SBNO2: variants seen among roughly 807,000 people sequenced by gnomAD.
The protein encoded by SBNO2 is strawberry notch homolog 2.
Under a neutral mutation model 146.3 loss-of-function variants are expected in SBNO2, and 89 were observed. The ratio of observed to expected loss-of-function variants is 0.61; its 90% confidence interval spans 0.51 to 0.73. SBNO2 has a LOEUF of 0.73. Ranked by LOEUF, SBNO2 falls within the 30% of genes least tolerant of loss-of-function variation. The pLI, the probability that SBNO2 is intolerant of heterozygous loss-of-function variation, is 0.00. For missense variants in SBNO2, 2,092 were observed against 2,003.7 expected (o/e 1.04, Z -0.84); for synonymous variants, 1,147 against 892.6 (o/e 1.29, Z -5.08).
intron 11 of SBNO2, among the ~76,000 whole-genome samples, chr19:1,120,829 C>T (rs533159598): frequency 2.0e-5 from 3 of 152,212 alleles, no homozygotes; most frequent in East Asian, 1.9e-4. Flanking sequence ...CCACCACGCC[C>T]GGGTAATTTT....
chr19:1,164,575 G>A (rs2080386766), intron 1 of SBNO2, among the ~76,000 whole-genome samples: 1 of 9,804 alleles, frequency 1.0e-4, no homozygotes, highest in Non-Finnish European at 2.1e-4. Flanking sequence ...ACACTGTGGG[G>A]TGTCCCAGAT....
In SBNO2 at chr19:1,173,263, C is replaced by G. The variant is rs916699113; in HGVS notation, c.-127+909G>C. Among the ~76,000 whole-genome samples the G allele has an allele frequency of 7.2e-5, 11 of 152,138 alleles. No homozygotes were observed. Among genetic ancestry groups the G allele is most frequent in the African/African-American group, 2.4e-4 (10 of 41,394 alleles). ...CCTGCGCTTCCCCTTCACCGACACA[C>G]GCTGCTCCCGGGCCCCACTCGGGCC... On this transcript the variant is annotated intron_variant, in intron 1 of 31. Transcript: ENST00000361757. The surrounding 1 kb of genome is among the most constrained non-coding windows in gnomAD (Gnocchi z 4.7).
chr19:1,117,481 C>T lies in SBNO2; in HGVS notation c.1546G>A (p.Val516Met), dbSNP rs765257569. Reference protein sequence around the residue: ...AALLWAEALNVFQQAADWIGL... With the variant: ...AALLWAEALNMFQQAADWIGL... ...ATCCAGTCGGCCGCCTGCTGGAACA[C>T]GTTCAGGGCCTCGGCCCACTGCAAT... Residue 516 changes from valine to methionine, a missense_variant, in exon 15 of 32, where the codon GTG becomes ATG. Val to Met is a conservative substitution (Grantham distance 21). Transcript: ENST00000361757. The T allele has an allele frequency of 7.6e-6, 12 of 1,584,584 alleles. No individual in the cohort carries two copies. The East Asian group carries it at 1.9e-4, about 25-fold the overall frequency.
rs749449592 is a variant in SBNO2, at chr19:1,110,989, C to A, written c.2884+30G>T. On this transcript the variant is annotated intron_variant, in intron 25 of 31. Coordinates refer to ENST00000361757, the MANE Select transcript of SBNO2 (RefSeq NM_014963.3). The surrounding 1 kb of genome is among the most constrained non-coding windows in gnomAD (Gnocchi z 4.9). Reference sequence around the variant, plus strand: ...GGTTGCATGAGATGAGAGACAGGAGCGCCTCTGGGCCTGGGTGTGGGGCAC... The same window carrying A: ...GGTTGCATGAGATGAGAGACAGGAGAGCCTCTGGGCCTGGGTGTGGGGCAC... 6.2e-7 allele frequency: 1 copy of A among 1,605,494 alleles called. No individual in the cohort carries two copies.
rs776228232 is a variant in SBNO2, at chr19:1,136,848, G to A, written c.280-9083C>T. ...CATCCTGAGCTTCCCAGAAGCCCCCGGGCTGCCAGGCAGAGAGTGTTGTTA... is the reference window on the plus strand; with the variant it reads ...CATCCTGAGCTTCCCAGAAGCCCCCAGGCTGCCAGGCAGAGAGTGTTGTTA... On this transcript the variant is annotated intron_variant, in intron 4 of 31. Coordinates refer to ENST00000361757, the MANE Select transcript of SBNO2 (RefSeq NM_014963.3). The surrounding 1 kb of genome is among the most constrained non-coding windows in gnomAD (Gnocchi z 4.2). Among the ~76,000 whole-genome samples, 4 of 152,184 alleles carry A rather than the reference G, an allele frequency of 2.6e-5. No individual in the cohort carries two copies. The highest frequency in any genetic ancestry group is 1.3e-4 in the Admixed American group (2 of 15,288).
Position 1,110,665 on chromosome 19 carries a change from G to A in SBNO2, c.3028+80C>T, listed in dbSNP as rs561988187. 1.4e-5 allele frequency: 21 copies of A among 1,466,732 alleles called. No individual in the cohort carries two copies. Among genetic ancestry groups the A allele is most frequent in the Middle Eastern group, 1.9e-4 (1 of 5,280 alleles). 90.9% of individuals were successfully genotyped at this position (1,466,732 alleles called of 1,614,324 possible). A position where few individuals can be genotyped will look rare whatever the true frequency, so the allele number is the denominator to read the frequency against. Reference sequence around the variant, plus strand: ...GATGCCCGGTGTTCCCACGAGCCCCGAGCCCACCCAGGATGCATGGCGTTC... The same window carrying A: ...GATGCCCGGTGTTCCCACGAGCCCCAAGCCCACCCAGGATGCATGGCGTTC... On this transcript the variant is annotated intron_variant, in intron 26 of 31. Transcript: ENST00000361757. The surrounding 1 kb of genome is among the most constrained non-coding windows in gnomAD (Gnocchi z 4.9).
rs2079780581 is a variant in SBNO2, at chr19:1,112,720, C to T, written c.2379+98G>A. On this transcript the variant is annotated intron_variant, in intron 20 of 31. Transcript: ENST00000361757. This position sits in a 1 kb window ranked among gnomAD's most constrained non-coding sequence, Gnocchi z 5.9. Reference sequence around the variant, plus strand: ...CGCGCCCGCACCTGGCACACACACACTCCAGAAGTGCGCGGGTCCACAGTC... The same window carrying T: ...CGCGCCCGCACCTGGCACACACACATTCCAGAAGTGCGCGGGTCCACAGTC... 2 of 1,471,856 alleles carry T rather than the reference C, an allele frequency of 1.4e-6. No homozygotes were observed. The highest frequency in any genetic ancestry group is 1.8e-6 in the Non-Finnish European group (2 of 1,109,338). The allele number at this position is 1,471,856 out of a possible 1,614,324, so 91.2% of individuals were successfully genotyped here.
rs2080172288 is a variant in SBNO2 at position 1,144,807 on chromosome 19, G to A, written c.279+2502C>T. 6.6e-6 allele frequency among the ~76,000 whole-genome samples: 1 copy of A among 151,014 alleles called. No homozygotes were observed. The highest frequency in any genetic ancestry group is 2.4e-5 in the African/African-American group (1 of 40,960). On this transcript the variant is annotated intron_variant, in intron 4 of 31. Coordinates refer to ENST00000361757, the MANE Select transcript of SBNO2 (RefSeq NM_014963.3). The surrounding 1 kb of genome is among the most constrained non-coding windows in gnomAD (Gnocchi z 4.1). ...AGACAGAGACAGAGAGGGAGACAGA[G>A]AGACAGAGACAGAGAGGGAGACAGA...
rs1270789637 is a variant in SBNO2 at position 1,108,537 on chromosome 19, T to C, written c.3784A>G (p.Ser1262Gly). 9.0e-6 allele frequency: 11 copies of C among 1,220,458 alleles called. No individual in the cohort carries two copies. Among genetic ancestry groups the C allele is most frequent in the African/African-American group, 1.6e-5 (1 of 61,280 alleles). The allele number at this position is 1,220,458 out of a possible 1,614,324, so 75.6% of individuals were successfully genotyped here. The change falls in exon 32 of 32, where the codon AGC becomes GGC. Residue 1262 changes from serine (S) to glycine (G), a missense_variant. Ser to Gly is a moderately conservative substitution (Grantham distance 56). Transcript: ENST00000361757. Reference protein sequence around the residue: ...GPGEVLDLTYSPPAEAFPPPP... With the variant: ...GPGEVLDLTYGPPAEAFPPPP... Reference sequence around the variant, plus strand: ...GGCGGGAAGGCCTCGGCCGGGGGGCTGTAGGTGAGGTCCAGCACCTCTCCG... The same window carrying C: ...GGCGGGAAGGCCTCGGCCGGGGGGCCGTAGGTGAGGTCCAGCACCTCTCCG...
intron 18 of SBNO2, among the ~76,000 whole-genome samples, chr19:1,114,030 C>T (rs188207884): frequency 6.8e-4 from 104 of 152,350 alleles, no homozygotes; most frequent in Admixed American, 1.2e-3. Context: ...CTCTGGGCCT[C>T]AGTTTCCCCC....
chr19:1,135,058 A>G (rs1017158759), intron 4 of SBNO2, among the ~76,000 whole-genome samples: 1 of 143,500 alleles, frequency 7.0e-6, no homozygotes, highest in Admixed American at 6.9e-5. Context: ...AAAAAAAAAA[A>G]AAAAAAAAAA....
chr19:1,128,484 C>A (rs1474342038), intron 4 of SBNO2, among the ~76,000 whole-genome samples: 5 of 151,892 alleles, frequency 3.3e-5, no homozygotes, highest in African/African-American at 1.2e-4. Flanking sequence ...CCTCTGCCTC[C>A]CAGGTGCAAG....
In SBNO2 at chr19:1,157,534, C is replaced by T. The variant is rs574961644; in HGVS notation, c.-126-3132G>A. ...CCCTGCCTGGTTTTATTTTTGGGCG[C>T]GAGTCCCATGACTGGAGGGATGCGT... On this transcript the variant is annotated intron_variant, in intron 1 of 31. Transcript: ENST00000361757. The surrounding 1 kb of genome is among the most constrained non-coding windows in gnomAD (Gnocchi z 6.8). Among the ~76,000 whole-genome samples the T allele has an allele frequency of 3.7e-4, 54 of 144,954 alleles. No homozygotes were observed. The highest frequency in any genetic ancestry group is 1.2e-3 in the African/African-American group (46 of 39,922).
chr19:1,112,126 C>CAAAGCT lies in SBNO2; in HGVS notation c.2628+57_2629-60dup. 1 of 1,604,730 alleles carries CAAAGCT rather than the reference C, an allele frequency of 6.2e-7. No homozygotes were observed. ...CTGGGGTCTGGCCTCTAGCACCCCA[C>CAAAGCT]AAAGCTTTGGAGAGCCTTCCTGGGC... is the stretch of plus-strand genomic sequence containing the variant. On this transcript the variant is annotated intron_variant, in intron 22 of 31. Coordinates refer to ENST00000361757, the MANE Select transcript of SBNO2 (RefSeq NM_014963.3). This position sits in a 1 kb window ranked among gnomAD's most constrained non-coding sequence, Gnocchi z 5.9.
intron 1 of SBNO2, among the ~76,000 whole-genome samples, chr19:1,159,763 G>A (rs973818829): frequency 1.8e-4 from 22 of 121,010 alleles, no homozygotes; most frequent in Non-Finnish European, 3.5e-4. Context: ...GGGGAGATGG[G>A]GACAGCGGGG....
Position 1,112,521 on chromosome 19 carries a change from G to C in SBNO2, c.2396C>G (p.Ser799Trp). Residue 799 changes from serine (S) to tryptophan (W), a missense_variant, in exon 21 of 32, where the codon TCG (serine) becomes TGG (tryptophan). By Grantham distance (177) the Ser-to-Trp change is radical. Coordinates refer to ENST00000361757, the MANE Select transcript of SBNO2 (RefSeq NM_014963.3). This position sits in a 1 kb window ranked among gnomAD's most constrained non-coding sequence, Gnocchi z 5.9. Reference sequence around the variant, plus strand: ...GGAGACACCCGAGCTGGAGGCCTCCGAGATGATGGCCACGAGCTAGGGGGA... The same window carrying C: ...GGAGACACCCGAGCTGGAGGCCTCCCAGATGATGGCCACGAGCTAGGGGGA... ...MSGEKLVAII[S>W]EASSSGVSLQ... 1 of 1,603,240 alleles carries C rather than the reference G, an allele frequency of 6.2e-7. No homozygotes were observed. The highest frequency in any genetic ancestry group is 8.5e-7 in the Non-Finnish European group (1 of 1,177,762).
chr19:1,147,566 GCA>G (rs2080205089), intron 3 of SBNO2, 146 bp from the exon 4 acceptor site: 2 of 527,220 alleles, frequency 3.8e-6, no homozygotes, highest in Non-Finnish European at 6.5e-6. Context: ...TGGCCCCGCT[GCA>G]CATACAGAGG....
chr19:1,111,378 TGTCC>T, intron 24 of SBNO2, 124 bp downstream of exon 24: 1 of 753,408 alleles, frequency 1.3e-6, no homozygotes, highest in African/African-American at 1.7e-5. Context: ...CAGCCCTCTC[TGTCC>T]GTGTGTGGGG....
In SBNO2 at chr19:1,108,896, G is replaced by A. The variant is rs1267791090; in HGVS notation, c.3499C>T (p.Leu1167=). 1 of 1,585,438 alleles carries A rather than the reference G, an allele frequency of 6.3e-7. No homozygotes were observed. Among genetic ancestry groups the A allele is most frequent in the Non-Finnish European group, 8.5e-7 (1 of 1,173,106 alleles). The part of the protein sequence containing the change: ...QGLRLRHHYM[L]CGALLRVWGR... ...CACACGCGCAGCAGCGCGCCGCACA[G>A]CATGTAGTGGTGCCGCAGCCGCAGC... Residue 1167 remains leucine (L), a synonymous_variant, in exon 31 of 32, where the codon CTG becomes TTG. Transcript: ENST00000361757.
Sources: allele counts gnomAD v4.1 joint callset (sites outside exome capture counted in the v4.1 genomes callset), GRCh38; gene constraint gnomAD v4.1.1; non-coding constraint Gnocchi (gnomAD v3.1); transcripts MANE v1.5; gene names NCBI Gene and HGNC (gene_info 2026-07-23, HGNC 2026-07-21).